IFFO2: variants seen among roughly 807,000 people sequenced by gnomAD.
The protein encoded by IFFO2 is intermediate filament family orphan 2.
Under a neutral mutation model 53.5 loss-of-function variants are expected in IFFO2, and 19 were observed. That is an observed-to-expected ratio of 0.36 (90% CI 0.25 to 0.52). IFFO2 has a LOEUF of 0.52. IFFO2 is among the 20% of genes least tolerant of loss of function. The pLI, the probability that IFFO2 is intolerant of heterozygous loss-of-function variation, is 0.94. For synonymous variants in IFFO2, 303 were observed against 313.6 expected, an observed-to-expected ratio of 0.97 and a Z score of 0.36; for missense variants, 570 against 727.4, an observed-to-expected ratio of 0.78 and a Z score of 2.49.
intron 5 of IFFO2, among the ~76,000 whole-genome samples, chr1:18,914,516 C>T (rs1201836621): frequency 3.3e-5 from 5 of 152,178 alleles, no homozygotes; most frequent in African/African-American, 1.2e-4. Flanking sequence ...ACCACTGCTT[C>T]TTTCCAAAAG....
chr1:18,938,092 C>T (rs955336636), intron 1 of IFFO2, among the ~76,000 whole-genome samples: 1 of 152,098 alleles, frequency 6.6e-6, no homozygotes, highest in Non-Finnish European at 1.5e-5. Context: ...GCAGCCACCC[C>T]CTGTCCCTTA....
Position 18,936,543 on chromosome 1 carries a change from A to G in IFFO2, c.666-15422T>C, listed in dbSNP as rs1357390202. On this transcript the variant is annotated intron_variant, in intron 1 of 8. Coordinates refer to ENST00000455833, the MANE Select transcript of IFFO2 (RefSeq NM_001136265.2). This position sits in a 1 kb window ranked among gnomAD's most constrained non-coding sequence, Gnocchi z 4.5. Reference sequence around the variant, plus strand: ...GGAGAGTGTGGGGGCCCCCAGGCCCAGGGTTATGTTTACAGCTTTGAGAAA... The same window carrying G: ...GGAGAGTGTGGGGGCCCCCAGGCCCGGGGTTATGTTTACAGCTTTGAGAAA... Among the ~76,000 whole-genome samples the G allele has an allele frequency of 6.6e-6, 1 of 152,248 alleles. No homozygotes were observed. The highest frequency in any genetic ancestry group is 1.5e-5 in the Non-Finnish European group (1 of 68,042).
chr1:18,952,624 T>A (rs7538579), intron 1 of IFFO2, among the ~76,000 whole-genome samples: 122,047 of 152,174 alleles, frequency 0.8, 49,771 homozygotes, highest in East Asian at 0.96. Flanking sequence ...AGAGTGTATG[T>A]TTCTATTTCT....
chr1:18,940,530 A>G (rs185948477), intron 1 of IFFO2, among the ~76,000 whole-genome samples: 163 of 151,380 alleles, frequency 1.1e-3, no homozygotes, highest in African/African-American at 3.8e-3. Context: ...GGCCCAGAAA[A>G]GGATGGATGG....
chr1:18,942,912 C>T (rs1399593272), intron 1 of IFFO2, among the ~76,000 whole-genome samples: 3 of 148,672 alleles, frequency 2.0e-5, no homozygotes, highest in African/African-American at 7.4e-5. Flanking sequence ...GATCTTGGCT[C>T]ACTGCAACCT....
At chr1:18,937,415 T>A (rs1343422180) in intron 1 of IFFO2, among the ~76,000 whole-genome samples, 1 of 152,160 alleles carries the variant, frequency 6.6e-6, no homozygotes, top group Non-Finnish European at 1.5e-5. Context: ...CAGGCTCCTG[T>A]CATCATGGCG....
chr1:18,947,081 A>G lies in IFFO2; in HGVS notation c.665+8587T>C, dbSNP rs1936599568. Among the ~76,000 whole-genome samples the G allele has an allele frequency of 6.6e-6, 1 of 152,142 alleles. No homozygotes were observed. The highest frequency in any genetic ancestry group is 6.5e-5 in the Admixed American group (1 of 15,284). On this transcript the variant is annotated intron_variant, in intron 1 of 8. Transcript: ENST00000455833. This position sits in a 1 kb window ranked among gnomAD's most constrained non-coding sequence, Gnocchi z 5.0. ...GGGGCCTGGCCCACGGTGGGTACTC[A>G]GCCACTGTTCTGAAACCACCACCAC...
chr1:18,951,192 G>C (rs1050149626), intron 1 of IFFO2, among the ~76,000 whole-genome samples: 3 of 152,210 alleles, frequency 2.0e-5, no homozygotes, highest in Non-Finnish European at 2.9e-5. Context: ...GGGAGTCAGA[G>C]AGGCATGGAG....
At chr1:18,910,204 T>TGGATGGATGGAC (rs1936013921) in intron 8 of IFFO2, 138 bp downstream of exon 8, 2 of 979,292 alleles carry the variant, frequency 2.0e-6, no homozygotes, top group Admixed American at 4.4e-5. Context: ...GATGGATGGA[T>TGGATGGATGGAC]GGATGGATGG....
Position 18,918,568 on chromosome 1 carries a change from A to T in IFFO2, c.823-66T>A. The stretch of plus-strand genomic sequence containing the variant: ...AGCAAGCCTGGGGGGCTTGGCAGAG[A>T]GGTGGGGAGACCCCTAGGTGTCAGC... On this transcript the variant is annotated intron_variant, in intron 3 of 8. Transcript: ENST00000455833. The surrounding 1 kb of genome is among the most constrained non-coding windows in gnomAD (Gnocchi z 5.2). The T allele has an allele frequency of 6.8e-7, 1 of 1,480,938 alleles. No individual in the cohort carries two copies. Among genetic ancestry groups the T allele is most frequent in the South Asian group, 1.2e-5 (1 of 82,190 alleles). 91.7% of individuals were successfully genotyped at this position (1,480,938 alleles called of 1,614,324 possible).
chr1:18,948,285 C>T (rs1431014839), intron 1 of IFFO2, among the ~76,000 whole-genome samples: 6 of 152,182 alleles, frequency 3.9e-5, no homozygotes, highest in Admixed American at 6.5e-5. Context: ...TTGTACAGAG[C>T]GACAAACTGA....
At chr1:18,914,664 C>G (rs747746267) in intron 5 of IFFO2, among the ~76,000 whole-genome samples, 87 of 150,486 alleles carry the variant, frequency 5.8e-4, no homozygotes, top group Admixed American at 8.6e-4. Context: ...TAAAAAAATA[C>G]AAAAAAAAAT....
At chr1:18,929,757 T>C (rs1049666770) in intron 1 of IFFO2, among the ~76,000 whole-genome samples, 10 of 152,226 alleles carry the variant, frequency 6.6e-5, no homozygotes, top group Non-Finnish European at 4.4e-5. Context: ...AGCAGCCTTG[T>C]GCTGGAAGTC....
In IFFO2 at chr1:18,919,568, G is replaced by T; in HGVS notation, c.822+110C>A. On this transcript the variant is annotated intron_variant, in intron 3 of 8. Coordinates refer to ENST00000455833, the MANE Select transcript of IFFO2 (RefSeq NM_001136265.2). This position sits in a 1 kb window ranked among gnomAD's most constrained non-coding sequence, Gnocchi z 4.9. ...TCATCCTCATGGTCAAACACAGCCA[G>T]CCAGGATTCTAACTAGAAGCCGAGC... 1 of 741,888 alleles carries T rather than the reference G, an allele frequency of 1.3e-6. No individual in the cohort carries two copies. The highest frequency in any genetic ancestry group is 2.4e-6 in the Non-Finnish European group (1 of 423,440). The allele number at this position is 741,888 out of a possible 1,614,324, so 46.0% of individuals were successfully genotyped here. A position where few individuals can be genotyped will look rare whatever the true frequency, so the allele number is the denominator to read the frequency against.
chr1:18,917,365 G>T lies in IFFO2; in HGVS notation c.964-323C>A, dbSNP rs1936148410. ...GCAGGCCAGACCGGGACACAGAGTT[G>T]CCTGGGATATCTCAGAGCCAGCCAG... On this transcript the variant is annotated intron_variant, in intron 4 of 8. Transcript: ENST00000455833. This position sits in a 1 kb window ranked among gnomAD's most constrained non-coding sequence, Gnocchi z 5.9. Among the ~76,000 whole-genome samples the T allele has an allele frequency of 3.3e-5, 5 of 152,172 alleles. No homozygotes were observed. Among genetic ancestry groups the T allele is most frequent in the Admixed American group, 3.3e-4 (5 of 15,284 alleles).
chr1:18,906,366 C>T lies in IFFO2; in HGVS notation c.*2195G>A, dbSNP rs1478701576. 6.6e-6 allele frequency: 1 copy of T among 152,210 alleles called. No individual in the cohort carries two copies. The highest frequency in any genetic ancestry group is 1.9e-4 in the East Asian group (1 of 5,200). 9.4% of individuals were successfully genotyped at this position (152,210 alleles called of 1,614,324 possible). On this transcript the variant is annotated 3_prime_UTR_variant, in exon 9 of 9. Coordinates refer to ENST00000455833, the MANE Select transcript of IFFO2 (RefSeq NM_001136265.2). ...AGTTACTCCCATGCTAACACTGCTGCCTTACAGTCTTAAGTCTAAAGATAT... is the reference window on the plus strand; with the variant it reads ...AGTTACTCCCATGCTAACACTGCTGTCTTACAGTCTTAAGTCTAAAGATAT...
At position 18,907,038 on chromosome 1, in the gene IFFO2, G is replaced by A. The variant is rs974208825; in HGVS notation, c.*1523C>T. On this transcript the variant is annotated 3_prime_UTR_variant, in exon 9 of 9. Coordinates refer to ENST00000455833, the MANE Select transcript of IFFO2 (RefSeq NM_001136265.2). Reference sequence around the variant, plus strand: ...GGGACCACAATCCCAGTCAAACCCAGAGCCCCCTCCTTCTGCCTCCAGGCA... The same window carrying A: ...GGGACCACAATCCCAGTCAAACCCAAAGCCCCCTCCTTCTGCCTCCAGGCA... 2.0e-5 allele frequency: 3 copies of A among 152,234 alleles called. No individual in the cohort carries two copies. Among genetic ancestry groups the A allele is most frequent in the African/African-American group, 7.2e-5 (3 of 41,438 alleles). 9.4% of individuals were successfully genotyped at this position (152,234 alleles called of 1,614,324 possible).
intron 1 of IFFO2, among the ~76,000 whole-genome samples, chr1:18,939,270 G>A (rs2148184402): frequency 6.6e-6 from 1 of 152,324 alleles, no homozygotes; most frequent in South Asian, 2.1e-4. Flanking sequence ...GGGCCACATG[G>A]GGCTGGCTGT....
At chr1:18,924,965 G>T (rs1225170986) in intron 1 of IFFO2, among the ~76,000 whole-genome samples, 1 of 152,196 alleles carries the variant, frequency 6.6e-6, no homozygotes, top group African/African-American at 2.4e-5. Context: ...GTGGGAAAAT[G>T]AAGACCCAGG....
Sources: allele counts gnomAD v4.1 joint callset (sites outside exome capture counted in the v4.1 genomes callset), GRCh38; gene constraint gnomAD v4.1.1; non-coding constraint Gnocchi (gnomAD v3.1); transcripts MANE v1.5; gene names NCBI Gene and HGNC (gene_info 2026-07-23, HGNC 2026-07-21).